The following PRR5L variants were observed in gnomAD, a reference collection of about 807,000 sequenced individuals.
The protein encoded by PRR5L is proline-rich protein 5-like.
Under a neutral mutation model 36.4 loss-of-function variants are expected in PRR5L, and 21 were observed. The observed-to-expected ratio is 0.58, with a 90% CI of 0.41 to 0.83. PRR5L has a LOEUF of 0.83. Among genes scored for constraint, PRR5L ranks in the 40% least tolerant of loss-of-function variants. The pLI is 0.00. For missense variants in PRR5L, 381 were observed against 473.3 expected (o/e 0.80, Z 1.81); for synonymous variants, 188 against 197.0 (o/e 0.95, Z 0.38).
intron 1 of PRR5L, among the ~76,000 whole-genome samples, chr11:36,305,850 T>C (rs1856424680): frequency 6.6e-6 from 1 of 152,240 alleles, no homozygotes; most frequent in Non-Finnish European, 1.5e-5. Flanking sequence ...ATTCAGTTTA[T>C]GGCGTTTTGT....
chr11:36,465,182 T>TAAAC lies in PRR5L; in HGVS notation c.*2449_*2452dup. The TAAAC allele has an allele frequency of 6.6e-6, 1 of 152,284 alleles. No homozygotes were observed. The highest frequency in any genetic ancestry group is 1.9e-4 in the East Asian group (1 of 5,188). 9.4% of individuals were successfully genotyped at this position (152,284 alleles called of 1,614,324 possible). A position where few individuals can be genotyped will look rare whatever the true frequency, so the allele number is the denominator to read the frequency against. ...TTGTCTGTTTCCAAAATGGATTCAATAAACAACATTTTGTCCATGTTACCC... is the reference window on the plus strand; with the variant it reads ...TTGTCTGTTTCCAAAATGGATTCAATAAACAAACAACATTTTGTCCATGTTACCC... On this transcript the variant is annotated 3_prime_UTR_variant, in exon 9 of 9. Coordinates refer to ENST00000530639, the MANE Select transcript of PRR5L (RefSeq NM_001160167.2).
At chr11:36,337,340 G>A (rs1377979852) in intron 1 of PRR5L, among the ~76,000 whole-genome samples, 1 of 152,136 alleles carries the variant, frequency 6.6e-6, no homozygotes, top group Admixed American at 6.5e-5. Context: ...CTTCTGCCAC[G>A]TGAGGACTCA....
chr11:36,413,445 C>A (rs1858070153), intron 3 of PRR5L, among the ~76,000 whole-genome samples: 1 of 152,146 alleles, frequency 6.6e-6, no homozygotes, highest in Non-Finnish European at 1.5e-5. Context: ...TTATTAACTT[C>A]AGAATCTTAA....
intron 3 of PRR5L, among the ~76,000 whole-genome samples, chr11:36,411,785 C>T (rs1474172470): frequency 6.6e-6 from 1 of 152,218 alleles, no homozygotes; most frequent in Admixed American, 6.5e-5. Flanking sequence ...ATCCTTTCAT[C>T]AGCTAGTCTG....
At chr11:36,316,835 G>A (rs1292095611) in intron 1 of PRR5L, among the ~76,000 whole-genome samples, 1 of 152,108 alleles carries the variant, frequency 6.6e-6, no homozygotes, top group African/African-American at 2.4e-5. Context: ...GCAAGAAGGG[G>A]GTCTTTTTGG....
intron 3 of PRR5L, among the ~76,000 whole-genome samples, chr11:36,404,278 T>TTTGTTTTTG (rs1857863848): frequency 6.7e-6 from 1 of 149,826 alleles, no homozygotes; most frequent in African/African-American, 2.5e-5. Flanking sequence ...CTTTTTTTTT[T>TTTGTTTTTG]TTTTTTTTTT....
chr11:36,340,184 T>A (rs1856805266), intron 1 of PRR5L, among the ~76,000 whole-genome samples: 1 of 152,222 alleles, frequency 6.6e-6, no homozygotes, highest in South Asian at 2.1e-4. Context: ...TCCAGCCCAG[T>A]ATTTAATAAT....
chr11:36,431,904 T>C lies in PRR5L; in HGVS notation c.346T>C (p.Cys116Arg), dbSNP rs1858505423. Residue 116 changes from cysteine (C) to arginine (R), a missense_variant, in exon 5 of 9, where the codon TGT becomes CGT. Transcript: ENST00000530639. ...CTTTGTGGAGGAGAAGATCAAGCTG[T>C]GTGAAGGCAAGTACAAGACAGCCCT... The part of the protein sequence containing the change: ...LFFVEEKIKL[C>R]EGENRIEVLA... 2.5e-6 allele frequency: 4 copies of C among 1,614,020 alleles called. No individual in the cohort carries two copies. The East Asian group carries it at 8.9e-5, about 36-fold the overall frequency.
chr11:36,384,873 A>T (rs1857430866), intron 1 of PRR5L, among the ~76,000 whole-genome samples: 1 of 146,512 alleles, frequency 6.8e-6, no homozygotes, highest in African/African-American at 2.5e-5. Flanking sequence ...ATCTGGCTAG[A>T]TTGCCCAGGC....
At chr11:36,309,283 C>A (rs72948124) in intron 1 of PRR5L, among the ~76,000 whole-genome samples, 2,771 of 152,254 alleles carry the variant, frequency 0.018, 63 homozygotes, top group East Asian at 0.091. Flanking sequence ...AATTACTAAA[C>A]CATGTGTTTC....
At chr11:36,330,439 T>G (rs1263352727) in intron 1 of PRR5L, among the ~76,000 whole-genome samples, 1 of 152,172 alleles carries the variant, frequency 6.6e-6, no homozygotes, top group Non-Finnish European at 1.5e-5. Flanking sequence ...CTTAACTCAG[T>G]CTAGTGGTAT....
chr11:36,324,153 G>C lies in PRR5L; in HGVS notation c.-126+27715G>C, dbSNP rs376594325. Among the ~76,000 whole-genome samples, 8 of 152,264 alleles carry C rather than the reference G, an allele frequency of 5.3e-5. No individual in the cohort carries two copies. In the East Asian group the frequency reaches 1.5e-3, roughly 29 times the overall value. ...AACTTGAAACAGCTCAAATGCCTCA[G>C]TAACAAGATAATGAATAAATTATGA... On this transcript the variant is annotated intron_variant, in intron 1 of 8. Coordinates refer to ENST00000530639, the MANE Select transcript of PRR5L (RefSeq NM_001160167.2).
At position 36,306,805 on chromosome 11, in the gene PRR5L, T is replaced by C. The variant is rs1487103826; in HGVS notation, c.-126+10367T>C. On this transcript the variant is annotated intron_variant, in intron 1 of 8. Transcript: ENST00000530639. ...CACACAAGTGTTCATAGTGATTTCA[T>C]TGGGTAATGGGATCAGGTGTCAACT... Among the ~76,000 whole-genome samples, 5 of 152,196 alleles carry C rather than the reference T, an allele frequency of 3.3e-5. No individual in the cohort carries two copies. In the East Asian group the frequency reaches 7.7e-4, roughly 23 times the overall value.
At chr11:36,405,776 G>A (rs781000954) in intron 3 of PRR5L, among the ~76,000 whole-genome samples, 4 of 152,170 alleles carry the variant, frequency 2.6e-5, no homozygotes, top group Admixed American at 2.6e-4. Context: ...CAAGGTGCCG[G>A]TCATTTACAT....
At chr11:36,427,273 G>A (rs750940) in intron 4 of PRR5L, among the ~76,000 whole-genome samples, 33,745 of 152,040 alleles carry the variant, frequency 0.22, 4,063 homozygotes, top group East Asian at 0.37. Flanking sequence ...CTGTGTCCAA[G>A]TTCATTTATG....
intron 1 of PRR5L, among the ~76,000 whole-genome samples, chr11:36,328,411 G>A (rs1466126087): frequency 6.6e-6 from 1 of 152,148 alleles, no homozygotes; most frequent in Non-Finnish European, 1.5e-5. Flanking sequence ...TTGTGATAGA[G>A]TTCCCACAAG....
At chr11:36,387,107 C>T (rs1342717754) in intron 1 of PRR5L, among the ~76,000 whole-genome samples, 1 of 152,068 alleles carries the variant, frequency 6.6e-6, no homozygotes, top group Admixed American at 6.5e-5. Flanking sequence ...TGCTGGCTTA[C>T]CCTGTATCTG....
intron 4 of PRR5L, among the ~76,000 whole-genome samples, chr11:36,419,892 C>A (rs1444908255): frequency 1.3e-5 from 2 of 152,082 alleles, no homozygotes; most frequent in African/African-American, 4.8e-5. Flanking sequence ...ATGGGGATCC[C>A]TTGAAAGAGT....
chr11:36,342,002 G>T (rs184204703), intron 1 of PRR5L, among the ~76,000 whole-genome samples: 1 of 152,226 alleles, frequency 6.6e-6, no homozygotes, highest in Admixed American at 6.5e-5. Context: ...TTTGGTCCAC[G>T]CTGTGATTCC....
Sources: gnomAD v4.1 joint callset for allele counts (sites outside exome capture counted in the v4.1 genomes callset) on GRCh38, gnomAD v4.1.1 for gene constraint, MANE v1.5 for transcripts, NCBI Gene and HGNC (gene_info 2026-07-23, HGNC 2026-07-21) for gene names.